The following ROS1 variants were observed in gnomAD, a reference collection of about 807,000 sequenced individuals.
ROS1 encodes proto-oncogene tyrosine-protein kinase ROS.
ROS1 carries 263 observed loss-of-function variants against 273.5 expected under a neutral mutation model. The ratio of observed to expected loss-of-function variants is 0.96; its 90% CI spans 0.87 to 1.06. The LOEUF (loss-of-function observed/expected upper bound fraction) is 1.06. ROS1 is among the 50% of genes least tolerant of loss of function. The pLI, the probability that ROS1 is intolerant of heterozygous loss-of-function variation, is 0.00. For synonymous variants in ROS1, 1,008 were observed against 954.1 expected (o/e 1.06, Z -1.04); for missense variants, 2,833 against 2,751.1 (o/e 1.03, Z -0.67).
At chr6:117,317,800 TAGAC>T (rs1776021572) in intron 38 of ROS1, among the ~76,000 whole-genome samples, 1 of 152,104 alleles carries the variant, frequency 6.6e-6, no homozygotes, top group African/African-American at 2.4e-5. Context: ...CTCAAACTGA[TAGAC>T]AAGTTTACTA....
At chr6:117,414,101 T>C (rs1037423198) in intron 4 of ROS1, among the ~76,000 whole-genome samples, 21 of 152,168 alleles carry the variant, frequency 1.4e-4, no homozygotes, top group African/African-American at 5.1e-4. Context: ...TAATGTCCTA[T>C]ATTTAATGAT....
intron 43 of ROS1, among the ~76,000 whole-genome samples, chr6:117,297,904 A>T (rs374623167): frequency 6.6e-5 from 10 of 152,326 alleles, no homozygotes; most frequent in Admixed American, 5.9e-4. Flanking sequence ...CATTATATCA[A>T]AAACATACTT....
At chr6:117,356,001 T>C (rs1239215585) in intron 26 of ROS1, among the ~76,000 whole-genome samples, 9 of 152,130 alleles carry the variant, frequency 5.9e-5, no homozygotes, top group Non-Finnish European at 1.2e-4. Flanking sequence ...GTATATGGGG[T>C]ATTTAGAGTA....
chr6:117,351,991 T>C (rs1335104762), intron 27 of ROS1, among the ~76,000 whole-genome samples: 1 of 152,232 alleles, frequency 6.6e-6, no homozygotes, highest in African/African-American at 2.4e-5. Flanking sequence ...TCTGTCCCTC[T>C]CCAGAGGAGA....
intron 7 of ROS1, among the ~76,000 whole-genome samples, chr6:117,401,273 C>G (rs1773907979): frequency 6.6e-6 from 1 of 152,174 alleles, no homozygotes; most frequent in African/African-American, 2.4e-5. Flanking sequence ...CCAGTCTATT[C>G]TCCATGCATC....
intron 2 of ROS1, among the ~76,000 whole-genome samples, chr6:117,417,672 T>G (rs1318131823): frequency 2.0e-5 from 3 of 152,128 alleles, no homozygotes; most frequent in African/African-American, 7.2e-5. Flanking sequence ...TTCCCTACCC[T>G]CTATACATGT....
chr6:117,398,122 G>T (rs1244452659), intron 7 of ROS1, among the ~76,000 whole-genome samples: 2 of 152,100 alleles, frequency 1.3e-5, no homozygotes, highest in African/African-American at 2.4e-5. Flanking sequence ...AAACAGGGAA[G>T]AAATAAATTT....
chr6:117,353,294 A>T (rs1779034077), intron 26 of ROS1, 128 bp from the exon 27 acceptor site: 1 of 655,786 alleles, frequency 1.5e-6, no homozygotes, highest in South Asian at 2.5e-5. Flanking sequence ...AACATTAAAA[A>T]ATACCTTTAT....
At chr6:117,408,778 A>G (rs1008434733) in intron 5 of ROS1, among the ~76,000 whole-genome samples, 25 of 152,274 alleles carry the variant, frequency 1.6e-4, no homozygotes, top group Admixed American at 1.6e-3. Context: ...TGTTTATTGC[A>G]GCACTATTCA....
At chr6:117,322,179 T>G (rs1776334503) in intron 35 of ROS1, among the ~76,000 whole-genome samples, 1 of 151,920 alleles carries the variant, frequency 6.6e-6, no homozygotes, top group South Asian at 2.1e-4. Flanking sequence ...GAAGTTAGAG[T>G]TTTATTCACA....
At chr6:117,304,821 C>T (rs1774984893) in intron 42 of ROS1, among the ~76,000 whole-genome samples, 1 of 152,120 alleles carries the variant, frequency 6.6e-6, no homozygotes, top group East Asian at 1.9e-4. Flanking sequence ...GTGACTGAAT[C>T]ATGGGGGCAG....
At chr6:117,294,409 T>C (rs1333164961) in intron 43 of ROS1, among the ~76,000 whole-genome samples, 8 of 152,136 alleles carry the variant, frequency 5.3e-5, no homozygotes, top group African/African-American at 1.9e-4. Flanking sequence ...CCACAAAATG[T>C]GTCTTCAACA....
At chr6:117,423,873 C>T (rs1775943959) in intron 1 of ROS1, among the ~76,000 whole-genome samples, 1 of 152,178 alleles carries the variant, frequency 6.6e-6, no homozygotes, top group African/African-American at 2.4e-5. Context: ...TGTACATTCA[C>T]TTCACTTTTG....
At chr6:117,317,524 T>C (rs972768411) in intron 38 of ROS1, among the ~76,000 whole-genome samples, 7 of 152,146 alleles carry the variant, frequency 4.6e-5, no homozygotes, top group South Asian at 2.1e-4. Flanking sequence ...ATTAAGCATA[T>C]TTTGGAAAAG....
chr6:117,326,831 A>C (rs1312155043), intron 33 of ROS1, among the ~76,000 whole-genome samples: 1 of 152,228 alleles, frequency 6.6e-6, no homozygotes, highest in East Asian at 1.9e-4. Flanking sequence ...TAAAATACAG[A>C]ATACAAAATT....
At chr6:117,398,693 A>AAAAAAAAAAAAAAAAAAAAAAAAAC (rs1554252569) in intron 7 of ROS1, among the ~76,000 whole-genome samples, 14 of 141,194 alleles carry the variant, frequency 9.9e-5, no homozygotes, top group Non-Finnish European at 1.6e-4. Flanking sequence ...AAAAAAAAAA[A>AAAAAAAAAAAAAAAAAAAAAAAAAC]AAAACTCGCG....
intron 17 of ROS1, among the ~76,000 whole-genome samples, chr6:117,381,183 GTTT>G (rs752612391): frequency 8.4e-6 from 1 of 118,540 alleles, no homozygotes. Context: ...GCAGAGGACT[GTTT>G]TTTTTTTTTT....
rs759533205 is a variant in ROS1, at chr6:117,326,409, C to T, written c.5354G>A (p.Ser1785Asn). The T allele has an allele frequency of 2.6e-6, 4 of 1,523,342 alleles. No individual in the cohort carries two copies. The highest frequency in any genetic ancestry group is 1.3e-5 in the South Asian group (1 of 78,802). 94.4% of individuals were successfully genotyped at this position (1,523,342 alleles called of 1,614,324 possible). A position where few individuals can be genotyped will look rare whatever the true frequency, so the allele number is the denominator to read the frequency against. The change falls in exon 34 of 44, where the codon AGC (serine) becomes AAC (asparagine). Residue 1785 changes from serine to asparagine, a missense_variant. Physicochemically the swap from Ser to Asn is conservative, Grantham distance 46. Coordinates refer to ENST00000368507, the MANE Select transcript of ROS1 (RefSeq NM_001378902.1). ...CTGGTTCTGTAAATTATTTGAAGTG[C>T]TCTTTCTGCAAAAAATAATAAATAC... Reference protein sequence around the residue: ...ITYYILEIRKSTSNNLQNQNL... With the variant: ...ITYYILEIRKNTSNNLQNQNL...
At chr6:117,297,640 C>T (rs575178447) in intron 43 of ROS1, among the ~76,000 whole-genome samples, 40 of 152,196 alleles carry the variant, frequency 2.6e-4, no homozygotes, top group African/African-American at 6.7e-4. Flanking sequence ...CCCTAATCAT[C>T]GGCGAAATGC....
Sources: gnomAD v4.1 joint callset for allele counts (sites outside exome capture counted in the v4.1 genomes callset) on GRCh38, gnomAD v4.1.1 for gene constraint, MANE v1.5 for transcripts, NCBI Gene and HGNC (gene_info 2026-07-23, HGNC 2026-07-21) for gene names.